The following IL1RAPL1 variants were observed in gnomAD, a reference collection of about 807,000 sequenced individuals.
IL1RAPL1 encodes the protein interleukin-1 receptor accessory protein-like 1.
IL1RAPL1 carries 3 observed loss-of-function variants against 48.4 expected under a neutral mutation model. The observed-to-expected ratio is 0.06, with a 90% confidence interval of 0.03 to 0.16. The LOEUF (loss-of-function observed/expected upper bound fraction) is 0.16. Ranked by LOEUF, IL1RAPL1 falls within the 10% of genes least tolerant of loss-of-function variation. The pLI, the probability that IL1RAPL1 is intolerant of heterozygous loss-of-function variation, is 1.00. For synonymous variants in IL1RAPL1, 185 were observed against 187.7 expected (o/e 0.99, Z 0.12); for missense variants, 349 against 530.6 (o/e 0.66, Z 3.36).
At chrX:29,002,670 C>T (rs1050969707) in intron 2 of IL1RAPL1, among the ~76,000 whole-genome samples, 5 of 111,169 alleles carry the variant, frequency 4.5e-5, no homozygotes, top group South Asian at 3.8e-4. Context: ...TGGGAAAATT[C>T]TGCCAATGGT....
At chrX:29,083,641 T>G (rs1927890327) in intron 2 of IL1RAPL1, among the ~76,000 whole-genome samples, 1 of 111,730 alleles carries the variant, frequency 9.0e-6, no homozygotes. Flanking sequence ...CCCCTTGAAC[T>G]GTTCTGTTAC....
At chrX:28,823,680 C>T (rs1216771283) in intron 2 of IL1RAPL1, among the ~76,000 whole-genome samples, 2 of 111,074 alleles carry the variant, frequency 1.8e-5, no homozygotes, top group East Asian at 5.7e-4. Flanking sequence ...AATTAATTTC[C>T]TTGTCTTTTC....
At chrX:29,080,949 TTTCTTTCTTTCTTTC>T (rs1927796791) in intron 2 of IL1RAPL1, among the ~76,000 whole-genome samples, 1 of 30,236 alleles carries the variant, frequency 3.3e-5, no homozygotes. Context: ...TCTTTCTTTC[TTTCTTTCTTTCTTTC>T]TTTCTTTCTT....
intron 5 of IL1RAPL1, among the ~76,000 whole-genome samples, chrX:29,668,029 C>CA (rs780897189): frequency 3.7e-3 from 406 of 109,920 alleles, no homozygotes; most frequent in Non-Finnish European, 5.1e-3. Flanking sequence ...AAATTTATGC[C>CA]AAAAAAAATC....
At chrX:29,478,915 C>G (rs1935006482) in intron 5 of IL1RAPL1, among the ~76,000 whole-genome samples, 1 of 110,773 alleles carries the variant, frequency 9.0e-6, no homozygotes, top group Non-Finnish European at 1.9e-5. Context: ...GTCCGCCATT[C>G]CCTGCATTAT....
chrX:29,803,155 A>G (rs1601830586), intron 6 of IL1RAPL1, among the ~76,000 whole-genome samples: 1 of 89,208 alleles, frequency 1.1e-5, no homozygotes, highest in Non-Finnish European at 2.2e-5. Flanking sequence ...ATATGTGTAT[A>G]CATGCATACA....
At chrX:29,094,038 C>A (rs1281436134) in intron 2 of IL1RAPL1, among the ~76,000 whole-genome samples, 1 of 111,924 alleles carries the variant, frequency 8.9e-6, no homozygotes, top group African/African-American at 3.2e-5. Context: ...AGAAATATTT[C>A]TTTTTTCTTC....
chrX:29,129,822 C>T (rs570728531), intron 2 of IL1RAPL1, among the ~76,000 whole-genome samples: 68 of 109,753 alleles, frequency 6.2e-4, no homozygotes, highest in Non-Finnish European at 1.0e-3. Context: ...TCTCAATCTC[C>T]TGACCTCATG....
intron 6 of IL1RAPL1, among the ~76,000 whole-genome samples, chrX:29,804,044 T>C (rs959290024): frequency 9.8e-5 from 11 of 111,958 alleles, no homozygotes; most frequent in Non-Finnish European, 1.7e-4. Context: ...GCAGATTTTA[T>C]CATTTTACAA....
chrX:29,730,864 A>C (rs187160871), intron 6 of IL1RAPL1, among the ~76,000 whole-genome samples: 80 of 111,759 alleles, frequency 7.2e-4, no homozygotes, highest in Non-Finnish European at 1.3e-3. Flanking sequence ...GTAAGGCTAT[A>C]ACCCAGCCCT....
At chrX:28,674,614 CTA>C (rs1003531082) in intron 1 of IL1RAPL1, among the ~76,000 whole-genome samples, 1 of 111,766 alleles carries the variant, frequency 8.9e-6, no homozygotes, top group Non-Finnish European at 1.9e-5. Context: ...GCATTTAAAG[CTA>C]TGAGTCCTAA....
intron 9 of IL1RAPL1, among the ~76,000 whole-genome samples, chrX:29,951,459 G>A (rs1304403168): frequency 9.0e-6 from 1 of 111,262 alleles, no homozygotes; most frequent in Non-Finnish European, 1.9e-5. Flanking sequence ...CATGATCAGT[G>A]GTAAGGTCTG....
Position 28,737,203 on chromosome X carries a change from T to C in IL1RAPL1, c.-24-52117T>C, listed in dbSNP as rs758541172. Among the ~76,000 whole-genome samples the C allele has an allele frequency of 1.8e-3, 118 of 66,122 alleles. 1 individual carries two copies. Among genetic ancestry groups the C allele is most frequent in the African/African-American group, 6.7e-3 (104 of 15,615 alleles). 57.4% of individuals were successfully genotyped at this position (66,122 alleles called of 115,157 possible). A position where few individuals can be genotyped will look rare whatever the true frequency, so the allele number is the denominator to read the frequency against. ...CTTTCTTTCCTTTCTCTTTCTTTCT[T>C]TCTCTTTCTTTCTTTCTTTCTTTCT... On this transcript the variant is annotated intron_variant, in intron 1 of 10. Coordinates refer to ENST00000378993, the MANE Select transcript of IL1RAPL1 (RefSeq NM_014271.4).
At chrX:29,160,799 A>G (rs1369488841) in intron 2 of IL1RAPL1, among the ~76,000 whole-genome samples, 1 of 112,570 alleles carries the variant, frequency 8.9e-6, no homozygotes, top group East Asian at 2.8e-4. Flanking sequence ...CATGCCTGTC[A>G]TCCCAGCACT....
chrX:28,828,734 C>T (rs768982707), intron 2 of IL1RAPL1, among the ~76,000 whole-genome samples: 6 of 112,240 alleles, frequency 5.3e-5, no homozygotes, highest in Non-Finnish European at 1.1e-4. Context: ...ATACCACACA[C>T]TCTTGATTAC....
chrX:29,661,700 T>C (rs1925852417), intron 5 of IL1RAPL1, among the ~76,000 whole-genome samples: 1 of 112,293 alleles, frequency 8.9e-6, no homozygotes. Flanking sequence ...TCTCTTATGT[T>C]GTCTCCACAT....
intron 1 of IL1RAPL1, among the ~76,000 whole-genome samples, chrX:28,734,151 C>T (rs990398919): frequency 3.6e-5 from 4 of 111,564 alleles, no homozygotes; most frequent in Non-Finnish European, 7.5e-5. Flanking sequence ...TATCATTTCT[C>T]TCCTGAATTT....
intron 2 of IL1RAPL1, among the ~76,000 whole-genome samples, chrX:29,026,945 T>A (rs748005872): frequency 9.0e-6 from 1 of 111,729 alleles, no homozygotes; most frequent in Non-Finnish European, 1.9e-5. Flanking sequence ...TTCCTATATA[T>A]TCTCCACCCC....
intron 1 of IL1RAPL1, among the ~76,000 whole-genome samples, chrX:28,743,193 T>C (rs1288678610): frequency 1.8e-5 from 2 of 111,290 alleles, no homozygotes; most frequent in African/African-American, 3.3e-5. Flanking sequence ...GAATTTATGA[T>C]TCTGTGTGCC....
Sources: allele counts gnomAD v4.1 joint callset (sites outside exome capture counted in the v4.1 genomes callset), GRCh38; gene constraint gnomAD v4.1.1; transcripts MANE v1.5; gene names NCBI Gene and HGNC (gene_info 2026-07-23, HGNC 2026-07-21).